The following DOK6 variants were observed in gnomAD, a reference collection of about 807,000 sequenced individuals.
The protein encoded by DOK6 is downstream of tyrosine kinase 6.
Under a neutral mutation model 44.0 loss-of-function variants are expected in DOK6, and 22 were observed. That is an observed-to-expected ratio of 0.50 (90% confidence interval 0.36 to 0.71). The LOEUF (loss-of-function observed/expected upper bound fraction) is 0.71, where lower values mean the gene tolerates loss of function less well. Among genes scored for constraint, DOK6 ranks in the 30% least tolerant of loss-of-function variants. DOK6 has a pLI of 0.00. For synonymous variants in DOK6, 166 were observed against 145.5 expected, an observed-to-expected ratio of 1.14 and a Z score of -1.01; for missense variants, 340 against 416.4, an observed-to-expected ratio of 0.82 and a Z score of 1.60.
intron 6 of DOK6, among the ~76,000 whole-genome samples, chr18:69,750,288 A>G (rs1979133773): frequency 6.6e-6 from 1 of 151,910 alleles, no homozygotes; most frequent in African/African-American, 2.4e-5. Flanking sequence ...CAGAACTTTT[A>G]AAGGAGAGTT....
chr18:69,618,895 A>AT (rs916019370), intron 3 of DOK6, among the ~76,000 whole-genome samples: 32 of 151,510 alleles, frequency 2.1e-4, no homozygotes, highest in African/African-American at 3.9e-4. Context: ...AAAAATAACG[A>AT]TTTTTTTTTC....
intron 1 of DOK6, among the ~76,000 whole-genome samples, chr18:69,485,234 AG>A (rs1433600001): frequency 2.0e-5 from 3 of 152,206 alleles, no homozygotes; most frequent in African/African-American, 7.2e-5. Flanking sequence ...ATGGTGAGCA[AG>A]GGCAGCAAGT....
At chr18:69,718,286 T>A (rs1174937731) in intron 5 of DOK6, among the ~76,000 whole-genome samples, 1 of 152,188 alleles carries the variant, frequency 6.6e-6, no homozygotes, top group East Asian at 1.9e-4. Flanking sequence ...GCTATTCTCC[T>A]TTCTCTTTCT....
chr18:69,448,676 A>C (rs1455759307), intron 1 of DOK6, among the ~76,000 whole-genome samples: 4 of 152,118 alleles, frequency 2.6e-5, no homozygotes, highest in Non-Finnish European at 5.9e-5. Flanking sequence ...GCCCAGCCCA[A>C]ATTGATTCTT....
intron 5 of DOK6, among the ~76,000 whole-genome samples, chr18:69,701,534 A>C (rs969307011): frequency 1.3e-5 from 2 of 152,206 alleles, no homozygotes; most frequent in African/African-American, 4.8e-5. Context: ...ATGTTACCTC[A>C]TAAATATTGT....
chr18:69,637,363 G>A (rs754325307), intron 3 of DOK6, among the ~76,000 whole-genome samples: 1 of 152,044 alleles, frequency 6.6e-6, no homozygotes, highest in Non-Finnish European at 1.5e-5. Context: ...ATATTAAAAG[G>A]CCTTAAAAAG....
intron 1 of DOK6, among the ~76,000 whole-genome samples, chr18:69,485,723 A>G (rs1279964159): frequency 2.0e-5 from 3 of 152,124 alleles, no homozygotes; most frequent in Non-Finnish European, 4.4e-5. Flanking sequence ...AATGTTTTCT[A>G]GGAAGAATTT....
intron 5 of DOK6, among the ~76,000 whole-genome samples, chr18:69,731,227 T>A (rs1001959536): frequency 3.9e-5 from 6 of 152,166 alleles, no homozygotes; most frequent in Non-Finnish European, 8.8e-5. Context: ...CTCACTGAGT[T>A]TTTAAATAAA....
At chr18:69,519,320 C>T (rs1981624090) in intron 1 of DOK6, among the ~76,000 whole-genome samples, 1 of 151,832 alleles carries the variant, frequency 6.6e-6, no homozygotes, top group South Asian at 2.1e-4. Flanking sequence ...ACACAAACCT[C>T]AGTAACCAAA....
chr18:69,704,825 T>TTC (rs1372964497), intron 5 of DOK6, among the ~76,000 whole-genome samples: 11 of 152,082 alleles, frequency 7.2e-5, no homozygotes, highest in Non-Finnish European at 1.3e-4. Context: ...AAAAAGATGC[T>TTC]TTTTTTCCCC....
At position 69,597,101 on chromosome 18, in the gene DOK6, T is replaced by C. The variant is rs1983760219; in HGVS notation, c.175-2283T>C. On this transcript the variant is annotated intron_variant, in intron 2 of 7. Coordinates refer to ENST00000382713, the MANE Select transcript of DOK6 (RefSeq NM_152721.6). ...TAAAATTATAAATATGATGTAATGT[T>C]GGGTTTGTAACATTTATATTAATAG... is the stretch of plus-strand genomic sequence containing the variant. Among the ~76,000 whole-genome samples the C allele has an allele frequency of 2.0e-5, 3 of 152,002 alleles. No individual in the cohort carries two copies. The South Asian group carries it at 6.2e-4, about 31-fold the overall frequency.
At chr18:69,740,176 A>C (rs78157810) in intron 6 of DOK6, among the ~76,000 whole-genome samples, 5,434 of 152,258 alleles carry the variant, frequency 0.036, 145 homozygotes, top group East Asian at 0.087. Context: ...CAGCATTTGT[A>C]GGATGATTAG....
At chr18:69,829,103 C>G (rs1329485538) in intron 7 of DOK6, among the ~76,000 whole-genome samples, 1 of 150,148 alleles carries the variant, frequency 6.7e-6, no homozygotes, top group African/African-American at 2.4e-5. Flanking sequence ...CAGTACACCA[C>G]TTGAACATAT....
chr18:69,831,579 T>A (rs1472575419), intron 7 of DOK6, among the ~76,000 whole-genome samples: 1 of 152,194 alleles, frequency 6.6e-6, no homozygotes, highest in Non-Finnish European at 1.5e-5. Context: ...TATTATGGCT[T>A]TTCTACATCA....
chr18:69,768,786 TG>T (rs1396372205), intron 7 of DOK6, among the ~76,000 whole-genome samples: 1 of 151,874 alleles, frequency 6.6e-6, no homozygotes, highest in Admixed American at 6.6e-5. Flanking sequence ...GGTGGGCAGG[TG>T]TGAAGAACCT....
At chr18:69,477,091 A>G (rs1980287457) in intron 1 of DOK6, among the ~76,000 whole-genome samples, 1 of 152,214 alleles carries the variant, frequency 6.6e-6, no homozygotes, top group Non-Finnish European at 1.5e-5. Flanking sequence ...TCATTTTTAA[A>G]GATAGATTTG....
At chr18:69,754,529 G>T (rs140916643) in intron 6 of DOK6, among the ~76,000 whole-genome samples, 14 of 152,180 alleles carry the variant, frequency 9.2e-5, no homozygotes, top group African/African-American at 3.4e-4. Flanking sequence ...ATATTAGTTT[G>T]CTCAGCCTGC....
intron 1 of DOK6, among the ~76,000 whole-genome samples, chr18:69,470,625 C>T (rs962738822): frequency 6.6e-6 from 1 of 152,078 alleles, no homozygotes; most frequent in Non-Finnish European, 1.5e-5. Context: ...CTTCCCCACC[C>T]TGAAGACTCT....
At chr18:69,668,878 T>G (rs938056774) in intron 3 of DOK6, among the ~76,000 whole-genome samples, 1 of 152,152 alleles carries the variant, frequency 6.6e-6, no homozygotes, top group Non-Finnish European at 1.5e-5. Flanking sequence ...AGTTTGTAAT[T>G]AAAAGTACTT....
Sources: gnomAD v4.1 joint callset for allele counts (sites outside exome capture counted in the v4.1 genomes callset) on GRCh38, gnomAD v4.1.1 for gene constraint, MANE v1.5 for transcripts, NCBI Gene and HGNC (gene_info 2026-07-23, HGNC 2026-07-21) for gene names.